ZNF268: variants seen among roughly 807,000 people sequenced by gnomAD.
The protein encoded by ZNF268 is zinc finger protein 3.
A neutral mutation model predicts 29.3 loss-of-function variants in ZNF268; 20 were observed. The observed-to-expected ratio is 0.68, with a 90% CI of 0.48 to 0.99. The LOEUF (loss-of-function observed/expected upper bound fraction) is 0.99, where lower values mean the gene tolerates loss of function less well. Ranked by LOEUF, ZNF268 falls within the 50% of genes least tolerant of loss-of-function variation. The probability of loss-of-function intolerance (pLI) is 0.00; values close to 1 mark genes in which losing one functional copy is unlikely to be tolerated. For missense variants in ZNF268, 1,240 were observed against 1,121.6 expected (o/e 1.11, Z -1.51); for synonymous variants, 429 against 376.9 (o/e 1.14, Z -1.60).
chr12:133,196,270 C>T (rs986991585), intron 5 of ZNF268, among the ~76,000 whole-genome samples: 5 of 145,730 alleles, frequency 3.4e-5, no homozygotes, highest in Admixed American at 1.4e-4. Flanking sequence ...TGTAGTGAGC[C>T]GAGATCACAC....
Position 133,181,569 on chromosome 12 carries a change from G to C in ZNF268, c.-170G>C, listed in dbSNP as rs1249574607. 6.0e-6 allele frequency: 1 copy of C among 166,226 alleles called. No homozygotes were observed. The highest frequency in any genetic ancestry group is 1.3e-5 in the Non-Finnish European group (1 of 77,632). The allele number at this position is 166,226 out of a possible 1,614,324, so 10.3% of individuals were successfully genotyped here. A position where few individuals can be genotyped will look rare whatever the true frequency, so the allele number is the denominator to read the frequency against. On this transcript the variant is annotated 5_prime_UTR_variant, in exon 1 of 6. Coordinates refer to ENST00000536435, the MANE Select transcript of ZNF268 (RefSeq NM_003415.3). ...TCAGATAGCGTTCATCGCCCGTCGT[G>C]GTCAACGGGCCAGCCGAGTCTGGAG...
chr12:133,192,141 T>A, intron 5 of ZNF268, 138 bp downstream of exon 5: 1 of 665,332 alleles, frequency 1.5e-6, no homozygotes, highest in African/African-American at 1.8e-5. Flanking sequence ...AGAGTTTCAC[T>A]TTGTTGCCCA....
At chr12:133,201,340 T>G (rs1249757310) in intron 5 of ZNF268, among the ~76,000 whole-genome samples, 1 of 152,026 alleles carries the variant, frequency 6.6e-6, no homozygotes, top group African/African-American at 2.4e-5. Context: ...TATCCTGGGA[T>G]CTCCTCTTTG....
At chr12:133,193,635 ATCT>A in intron 5 of ZNF268, 1 of 475,022 alleles carries the variant, frequency 2.1e-6, no homozygotes, top group Non-Finnish European at 3.8e-6. Flanking sequence ...GCACAACTTA[ATCT>A]TCTCTTAATA....
rs1399029720 is a variant in ZNF268, at chr12:133,205,880, A to C, written c.*1350A>C. ...TGAGCACTATGGTCAGCTGAGGCTC[A>C]GAACTGTACATTGTTAATGGGTTTT... On this transcript the variant is annotated 3_prime_UTR_variant, in exon 6 of 6. Transcript: ENST00000536435. 6.6e-6 allele frequency: 1 copy of C among 152,230 alleles called. No individual in the cohort carries two copies. The highest frequency in any genetic ancestry group is 1.5e-5 in the Non-Finnish European group (1 of 68,044). The allele number at this position is 152,230 out of a possible 1,614,324, so 9.4% of individuals were successfully genotyped here. A position where few individuals can be genotyped will look rare whatever the true frequency, so the allele number is the denominator to read the frequency against.
At chr12:133,188,279 C>T (rs1476858861) in intron 3 of ZNF268, 3 of 536,382 alleles carry the variant, frequency 5.6e-6, no homozygotes, top group Non-Finnish European at 9.9e-6. Context: ...TCACTGCAGC[C>T]TCAAACTCCA....
chr12:133,183,918 G>T (rs1169030970), intron 2 of ZNF268, among the ~76,000 whole-genome samples: 2 of 152,214 alleles, frequency 1.3e-5, no homozygotes, highest in South Asian at 2.1e-4. Context: ...CCTCAAAAAT[G>T]CTTGTCAAGT....
At position 133,202,977 on chromosome 12, in the gene ZNF268, C is replaced by T. The variant is rs758573917; in HGVS notation, c.1291C>T (p.Leu431Phe). The stretch of plus-strand genomic sequence containing the variant: ...GAAAGCCTTTAATACAAAGTCAAAC[C>T]TTATGGTACATCAGAGAACCCATAC... ...CQKAFNTKSN[L>F]MVHQRTHTGE... Residue 431 changes from leucine (L) to phenylalanine (F), a missense_variant, in exon 6 of 6, where the codon CTT becomes TTT. Around this residue, in one of 3 missense-constraint regions of ZNF268, gnomAD observed 1,177 missense variants for 1,039.6 expected, o/e 1.13. Transcript: ENST00000536435. 3.2e-6 allele frequency: 5 copies of T among 1,548,682 alleles called. No individual in the cohort carries two copies. The African/African-American group carries it at 6.8e-5, about 21-fold the overall frequency.
chr12:133,192,886 C>G (rs1284268938), intron 5 of ZNF268, among the ~76,000 whole-genome samples: 1 of 152,162 alleles, frequency 6.6e-6, no homozygotes, highest in Admixed American at 6.5e-5. Flanking sequence ...GTCTCGATCT[C>G]CTGACTTTGT....
At chr12:133,200,622 A>T (rs1269904956) in intron 5 of ZNF268, among the ~76,000 whole-genome samples, 1 of 151,832 alleles carries the variant, frequency 6.6e-6, no homozygotes, top group Middle Eastern at 3.4e-3. Flanking sequence ...TTTCTACTCA[A>T]CCTCCAGATA....
At position 133,204,315 on chromosome 12, in the gene ZNF268, TCTCAA is replaced by T. The variant is rs766941921; in HGVS notation, c.2634_2638del (p.Gln878HisfsTer17). On this transcript the variant is annotated frameshift_variant, in exon 6 of 6. Coordinates refer to ENST00000536435, the MANE Select transcript of ZNF268 (RefSeq NM_003415.3). LOFTEE classifies it high-confidence loss of function. ...GTGTGGAAAAGCCTTCATTAGGAAT[TCTCAA>T]CTCATTGTACATCAAAGAACTCATT... 2 of 1,560,760 alleles carry T rather than the reference TCTCAA, an allele frequency of 1.3e-6. No homozygotes were observed. Among genetic ancestry groups the T allele is most frequent in the African/African-American group, 2.7e-5 (2 of 73,644 alleles).
intron 2 of ZNF268, among the ~76,000 whole-genome samples, chr12:133,183,449 G>C (rs1011826881): frequency 1.3e-5 from 2 of 151,292 alleles, no homozygotes; most frequent in Admixed American, 1.3e-4. Flanking sequence ...GCAGTCAGCC[G>C]AGATCGCGCC....
At chr12:133,189,633 T>G (rs1226590228) in intron 3 of ZNF268, among the ~76,000 whole-genome samples, 2 of 152,214 alleles carry the variant, frequency 1.3e-5, no homozygotes, top group East Asian at 1.9e-4. Context: ...TCTAGGAACT[T>G]TCTTAGGTTT....
rs1440023864 is a variant in ZNF268 at position 133,203,910 on chromosome 12, CATCAG to C, written c.2226_2230del (p.His742GlnfsTer10). On this transcript the variant is annotated frameshift_variant, in exon 6 of 6. Coordinates refer to ENST00000536435, the MANE Select transcript of ZNF268 (RefSeq NM_003415.3). LOFTEE classifies it low-confidence loss of function (END_TRUNC). The stretch of plus-strand genomic sequence containing the variant: ...TAGTTTCAATTCACAACTCATTGTG[CATCAG>C]AGAATTCACACAGGAGAAAATCCCT... 3 of 1,585,378 alleles carry C rather than the reference CATCAG, an allele frequency of 1.9e-6. No individual in the cohort carries two copies. Among genetic ancestry groups the C allele is most frequent in the Non-Finnish European group, 2.6e-6 (3 of 1,168,396 alleles).
In ZNF268 at chr12:133,203,991, T is replaced by C; in HGVS notation, c.2305T>C (p.Ser769Pro). Reference protein sequence around the residue: ...KAFNRKDQLISHQRTHAGEKP... With the variant: ...KAFNRKDQLIPHQRTHAGEKP... ...CTTTAATAGGAAAGACCAGCTCATTTCACATCAGCGAACTCATGCAGGGGA... is the reference window on the plus strand; with the variant it reads ...CTTTAATAGGAAAGACCAGCTCATTCCACATCAGCGAACTCATGCAGGGGA... Residue 769 changes from serine to proline, a missense_variant, in exon 6 of 6, where the codon TCA becomes CCA. By Grantham distance (74) the Ser-to-Pro change is moderately conservative (BLOSUM62 -1). Coordinates refer to ENST00000536435, the MANE Select transcript of ZNF268 (RefSeq NM_003415.3). 1.9e-6 allele frequency: 3 copies of C among 1,585,074 alleles called. No individual in the cohort carries two copies. The South Asian group carries it at 3.4e-5, about 18-fold the overall frequency.
At chr12:133,193,845 C>G (rs1179004008) in intron 5 of ZNF268, among the ~76,000 whole-genome samples, 1 of 152,170 alleles carries the variant, frequency 6.6e-6, no homozygotes, top group African/African-American at 2.4e-5. Flanking sequence ...GCCTCGTTTT[C>G]AGAAACTGGA....
rs565147101 is a variant in ZNF268 at position 133,209,473 on chromosome 12, T to G, written c.*4943T>G. The G allele has an allele frequency of 1.3e-5, 2 of 152,302 alleles. No individual in the cohort carries two copies. The highest frequency in any genetic ancestry group is 3.9e-4 in the East Asian group (2 of 5,192). The allele number at this position is 152,302 out of a possible 1,614,324, so 9.4% of individuals were successfully genotyped here. ...TTTAAATTTAAATGAAGTTGCAAGTTTTAACATGTCTACTCTTTAATTTTC... is the reference window on the plus strand; with the variant it reads ...TTTAAATTTAAATGAAGTTGCAAGTGTTAACATGTCTACTCTTTAATTTTC... On this transcript the variant is annotated 3_prime_UTR_variant, in exon 6 of 6. Coordinates refer to ENST00000536435, the MANE Select transcript of ZNF268 (RefSeq NM_003415.3).
Position 133,181,571 on chromosome 12 carries a change from T to G in ZNF268, c.-168T>G, listed in dbSNP as rs1956176736. ...AGATAGCGTTCATCGCCCGTCGTGG[T>G]CAACGGGCCAGCCGAGTCTGGAGTG... On this transcript the variant is annotated 5_prime_UTR_variant, in exon 1 of 6. Transcript: ENST00000536435. 1 of 166,736 alleles carries G rather than the reference T, an allele frequency of 6.0e-6. No individual in the cohort carries two copies. The highest frequency in any genetic ancestry group is 1.3e-5 in the Non-Finnish European group (1 of 78,008). The allele number at this position is 166,736 out of a possible 1,614,324, so 10.3% of individuals were successfully genotyped here. A position where few individuals can be genotyped will look rare whatever the true frequency, so the allele number is the denominator to read the frequency against.
intron 3 of ZNF268, among the ~76,000 whole-genome samples, chr12:133,190,195 G>A (rs770221761): frequency 3.9e-5 from 6 of 152,180 alleles, no homozygotes; most frequent in African/African-American, 1.2e-4. Context: ...ATTTATGTGC[G>A]CAGAGCAGTT....
Sources: gnomAD v4.1 joint callset for allele counts (sites outside exome capture counted in the v4.1 genomes callset) on GRCh38, gnomAD v4.1.1 for gene constraint, gnomAD v4.1.1 regional missense constraint, MANE v1.5 for transcripts, NCBI Gene and HGNC (gene_info 2026-07-23, HGNC 2026-07-21) for gene names.